Variants in WWOX observed in about 807,000 individuals in gnomAD.
The protein encoded by WWOX is WW domain containing oxidoreductase, also known as WW domain-containing oxidoreductase.
Under a neutral mutation model 46.2 loss-of-function variants are expected in WWOX, and 69 were observed. That is an observed-to-expected ratio of 1.49 (90% CI 1.23 to 1.82). The LOEUF (loss-of-function observed/expected upper bound fraction) is 1.82, where lower values mean the gene tolerates loss of function less well. Among genes scored for constraint, WWOX ranks in the 40% most tolerant of loss-of-function variants. The pLI, the probability that WWOX is intolerant of heterozygous loss-of-function variation, is 0.00. For synonymous variants in WWOX, 359 were observed against 202.6 expected, an observed-to-expected ratio of 1.77 and a Z score of -6.56; for missense variants, 919 against 542.6, an observed-to-expected ratio of 1.69 and a Z score of -6.89.
intron 8 of WWOX, among the ~76,000 whole-genome samples, chr16:78,634,873 T>TGCGC (rs1555507731): frequency 1.4e-5 from 2 of 140,748 alleles, no homozygotes; most frequent in African/African-American, 2.7e-5. Context: ...TGTGTGTGTG[T>TGCGC]GCGCGTGCAT....
Position 78,696,612 on chromosome 16 carries a change from C to G in WWOX, c.1056+263860C>G, listed in dbSNP as rs74579668. 8.5e-3 allele frequency among the ~76,000 whole-genome samples: 1,281 copies of G among 150,768 alleles called. 17 individuals carry two copies. The highest frequency in any genetic ancestry group is 0.028 in the African/African-American group (1,160 of 41,212). ...ACCAGGCACGGTGTTGCCTGATAAC[C>G]TTGCCCAGCTGTAGGCTAATGTAAG... On this transcript the variant is annotated intron_variant, in intron 8 of 8. Transcript: ENST00000566780.
At chr16:78,859,545 A>T (rs1309746407) in intron 8 of WWOX, among the ~76,000 whole-genome samples, 2 of 152,228 alleles carry the variant, frequency 1.3e-5, no homozygotes, top group Non-Finnish European at 1.5e-5. Context: ...TGTTGCTGTT[A>T]GTAAAACTTC....
rs9925866 is a variant in WWOX at position 78,689,181 on chromosome 16, A to T, written c.1056+256429A>T. The stretch of plus-strand genomic sequence containing the variant: ...CCCTCTACTTCCACCCCACCAACAA[A>T]GAATGATTCAGCCCAAAATGGCAGT... On this transcript the variant is annotated intron_variant, in intron 8 of 8. Coordinates refer to ENST00000566780, the MANE Select transcript of WWOX (RefSeq NM_016373.4). 1.4e-4 allele frequency among the ~76,000 whole-genome samples: 22 copies of T among 151,942 alleles called. 1 individual carries two copies. The highest frequency in any genetic ancestry group is 1.5e-5 in the Non-Finnish European group (1 of 67,978).
rs140418847 is a variant in WWOX, at chr16:78,622,664, C to T, written c.1056+189912C>T. On this transcript the variant is annotated intron_variant, in intron 8 of 8. Coordinates refer to ENST00000566780, the MANE Select transcript of WWOX (RefSeq NM_016373.4). ...GCCTGATGTGATCACCCTTCCCCCA[C>T]CTTGAATGTAGGTGGGATATGGGAG... Among the ~76,000 whole-genome samples, 302 of 132,832 alleles carry T rather than the reference C, an allele frequency of 2.3e-3. 1 individual carries two copies. Among genetic ancestry groups the T allele is most frequent in the African/African-American group, 7.9e-3 (275 of 34,718 alleles). The allele number at this position is 132,832 out of a possible 152,430, so 87.1% of individuals were successfully genotyped here.
intron 8 of WWOX, among the ~76,000 whole-genome samples, chr16:78,908,881 C>G (rs572438772): frequency 1.3e-5 from 2 of 152,330 alleles, no homozygotes. Flanking sequence ...ACATTATCCC[C>G]TGGAGCAATT....
chr16:78,466,277 T>C, intron 8 of WWOX, among the ~76,000 whole-genome samples: 1 of 152,098 alleles, frequency 6.6e-6, no homozygotes, highest in Non-Finnish European at 1.5e-5. Context: ...TTGATCAGCC[T>C]GCCTTGGCCT....
At chr16:79,082,905 G>T (rs2048786975) in intron 8 of WWOX, among the ~76,000 whole-genome samples, 1 of 152,168 alleles carries the variant, frequency 6.6e-6, no homozygotes, top group African/African-American at 2.4e-5. Context: ...AAGTTCAGGA[G>T]GGGCTCGGTT....
chr16:78,637,172 G>A (rs1402559823), intron 8 of WWOX, among the ~76,000 whole-genome samples: 3 of 152,048 alleles, frequency 2.0e-5, no homozygotes, highest in African/African-American at 4.8e-5. Context: ...CTGTAATCCC[G>A]GCACTTTGGG....
At chr16:78,556,607 C>A (rs773433833) in intron 8 of WWOX, among the ~76,000 whole-genome samples, 25 of 152,218 alleles carry the variant, frequency 1.6e-4, no homozygotes, top group Non-Finnish European at 3.7e-4. Context: ...CCCACCACGA[C>A]TGCTGTCTGT....
At chr16:78,572,659 TC>T (rs1181042888) in intron 8 of WWOX, among the ~76,000 whole-genome samples, 1 of 148,952 alleles carries the variant, frequency 6.7e-6, no homozygotes, top group Non-Finnish European at 1.5e-5. Flanking sequence ...ACAGTATGAT[TC>T]AATTTATAGA....
intron 8 of WWOX, among the ~76,000 whole-genome samples, chr16:78,505,795 A>G (rs1030578584): frequency 4.6e-5 from 7 of 150,966 alleles, no homozygotes; most frequent in Non-Finnish European, 1.0e-4. Context: ...GCTGGCCCAC[A>G]TACTACACTT....
chr16:79,165,150 G>GA lies in WWOX; in HGVS notation c.1057-46442dup, dbSNP rs5818206. Among the ~76,000 whole-genome samples, 1,354 of 136,440 alleles carry GA rather than the reference G, an allele frequency of 9.9e-3. 11 individuals carry two copies. Among genetic ancestry groups the GA allele is most frequent in the African/African-American group, 0.025 (936 of 38,106 alleles). 89.5% of individuals were successfully genotyped at this position (136,440 alleles called of 152,430 possible). On this transcript the variant is annotated intron_variant, in intron 8 of 8. Transcript: ENST00000566780. Reference sequence around the variant, plus strand: ...AAGGTCTTCACAGATTAAAACGAAGGAAAAAAAAAAAAAAAACTAGATAAA... The same window carrying GA: ...AAGGTCTTCACAGATTAAAACGAAGGAAAAAAAAAAAAAAAAACTAGATAAA...
chr16:79,201,806 C>G (rs1317872477), intron 8 of WWOX, among the ~76,000 whole-genome samples: 1 of 89,968 alleles, frequency 1.1e-5, no homozygotes, highest in East Asian at 2.5e-4. Flanking sequence ...TAAATTGAAA[C>G]CTGACAATGT....
chr16:79,105,114 G>C (rs1284361021), intron 8 of WWOX, among the ~76,000 whole-genome samples: 1 of 152,136 alleles, frequency 6.6e-6, no homozygotes, highest in Admixed American at 6.5e-5. Flanking sequence ...CACCTGCTGG[G>C]GGTCTTTGGG....
intron 8 of WWOX, chr16:79,004,602 A>G (rs1001194332): frequency 1.3e-5 from 2 of 152,096 alleles, no homozygotes; most frequent in African/African-American, 4.8e-5. Context: ...TTCCTGTTCA[A>G]CCCTCTTAAA....
chr16:78,399,062 G>A (rs1399708696), intron 6 of WWOX, among the ~76,000 whole-genome samples: 1 of 148,322 alleles, frequency 6.7e-6, no homozygotes, highest in African/African-American at 2.6e-5. Flanking sequence ...TAAGGAAGGG[G>A]ATAGGTGGCT....
At chr16:78,950,654 A>C (rs1007947539) in intron 8 of WWOX, among the ~76,000 whole-genome samples, 2 of 152,154 alleles carry the variant, frequency 1.3e-5, no homozygotes, top group Non-Finnish European at 2.9e-5. Context: ...AAGAATTTTG[A>C]GGTGGAATCC....
At chr16:78,140,708 G>C (rs1425570027) in intron 4 of WWOX, among the ~76,000 whole-genome samples, 1 of 152,138 alleles carries the variant, frequency 6.6e-6, no homozygotes, top group Non-Finnish European at 1.5e-5. Flanking sequence ...TACTGGGTGA[G>C]AGCCCACCTT....
chr16:78,582,323 G>A (rs994296894), intron 8 of WWOX, among the ~76,000 whole-genome samples: 6 of 152,162 alleles, frequency 3.9e-5, no homozygotes, highest in Non-Finnish European at 7.3e-5. Context: ...GGTTACTGTT[G>A]AATATAGATA....
Sources: allele counts gnomAD v4.1 joint callset (sites outside exome capture counted in the v4.1 genomes callset), GRCh38; gene constraint gnomAD v4.1.1; transcripts MANE v1.5; gene names NCBI Gene and HGNC (gene_info 2026-07-23, HGNC 2026-07-21).